Variants in DIXDC1 observed in about 807,000 individuals in gnomAD.
DIXDC1 encodes dixin.
In DIXDC1, 64 loss-of-function variants were observed where a neutral mutation model predicts 103.1. The observed-to-expected ratio is 0.62, with a 90% CI of 0.51 to 0.76. DIXDC1 has a LOEUF of 0.76. Ranked by LOEUF, DIXDC1 falls within the 30% of genes least tolerant of loss-of-function variation. The pLI is 0.00. For missense variants in DIXDC1, 759 were observed against 834.2 expected, an observed-to-expected ratio of 0.91 and a Z score of 1.11; for synonymous variants, 266 against 298.5, an observed-to-expected ratio of 0.89 and a Z score of 1.12.
At chr11:112,002,303 AATGCTTATT>A (rs1861093948) in intron 17 of DIXDC1, among the ~76,000 whole-genome samples, 2 of 151,902 alleles carry the variant, frequency 1.3e-5, no homozygotes, top group African/African-American at 4.8e-5. Flanking sequence ...GAGAAAGGGG[AATGCTTATT>A]ATGCACCATT....
intron 17 of DIXDC1, among the ~76,000 whole-genome samples, chr11:112,001,514 C>T (rs1343004703): frequency 6.6e-6 from 1 of 152,066 alleles, no homozygotes; most frequent in East Asian, 1.9e-4. Flanking sequence ...TGCCTTCTGC[C>T]TAGGATGTAG....
intron 2 of DIXDC1, chr11:111,929,999 C>T (rs1555167508): frequency 1.8e-5 from 22 of 1,227,270 alleles, no homozygotes; most frequent in Non-Finnish European, 2.5e-5. Flanking sequence ...TCCATCAGGA[C>T]TCAGATCCTG....
chr11:111,951,968 C>T (rs73560072), intron 1 of DIXDC1, among the ~76,000 whole-genome samples: 3,745 of 151,542 alleles, frequency 0.025, 164 homozygotes, highest in African/African-American at 0.086. Context: ...TAGGTTCAAG[C>T]GGTTCTCCTA....
rs1041408457 is a variant in DIXDC1 at position 112,020,655 on chromosome 11, A to G, written c.*1619A>G. The G allele has an allele frequency of 3.9e-5, 6 of 152,280 alleles. No individual in the cohort carries two copies. The highest frequency in any genetic ancestry group is 1.3e-4 in the Admixed American group (2 of 15,284). 9.4% of individuals were successfully genotyped at this position (152,280 alleles called of 1,614,324 possible). On this transcript the variant is annotated 3_prime_UTR_variant, in exon 20 of 20. Coordinates refer to ENST00000440460, the MANE Select transcript of DIXDC1 (RefSeq NM_001037954.4). ...GTGGTTTCAGAACAAGCTTTATTTT[A>G]TTACGAGTATATTAATGACAACTAA...
At chr11:111,964,312 C>T (rs1555171279) in intron 1 of DIXDC1, among the ~76,000 whole-genome samples, 1 of 152,194 alleles carries the variant, frequency 6.6e-6, no homozygotes, top group Non-Finnish European at 1.5e-5. Flanking sequence ...TCTACAGTGC[C>T]ACCCAAGTCC....
chr11:112,003,743 A>C (rs1465853096), intron 17 of DIXDC1, among the ~76,000 whole-genome samples: 1 of 151,904 alleles, frequency 6.6e-6, no homozygotes, highest in Non-Finnish European at 1.5e-5. Context: ...GGTTGCGGTG[A>C]GCCGAGATCA....
At position 111,984,295 on chromosome 11, in the gene DIXDC1, C is replaced by CA. The variant is rs1287270133; in HGVS notation, c.919-936dup. On this transcript the variant is annotated intron_variant, in intron 7 of 19. Transcript: ENST00000440460. ...GCATGGTGGGCCACACCTGTAACCC[C>CA]AGCACTTTGGGAGGCTGAGGCGGGT... 1.3e-3 allele frequency among the ~76,000 whole-genome samples: 199 copies of CA among 152,228 alleles called. 1 individual carries two copies. Among genetic ancestry groups the CA allele is most frequent in the African/African-American group, 4.5e-3 (187 of 41,530 alleles).
chr11:111,934,460 T>C (rs1194852696), upstream of DIXDC1, among the ~76,000 whole-genome samples: 1 of 152,088 alleles, frequency 6.6e-6, no homozygotes, highest in African/African-American at 2.4e-5. Flanking sequence ...CCAGGCAGAG[T>C]GAATGACAGC....
chr11:111,993,348 T>C lies in DIXDC1; in HGVS notation c.1273-148T>C, dbSNP rs1860768021. The C allele has an allele frequency of 8.0e-6, 6 of 748,358 alleles. No individual in the cohort carries two copies. The Admixed American group carries it at 1.3e-4, about 16-fold the overall frequency. 46.4% of individuals were successfully genotyped at this position (748,358 alleles called of 1,614,324 possible). The stretch of plus-strand genomic sequence containing the variant: ...TCCTTTGCACTATGTAAGATTATTA[T>C]GGTGTGTAAAGTCTTCCTGGTATAT... On this transcript the variant is annotated intron_variant, in intron 12 of 19. Coordinates refer to ENST00000440460, the MANE Select transcript of DIXDC1 (RefSeq NM_001037954.4).
At chr11:112,014,222 G>A (rs1861517536) in intron 17 of DIXDC1, among the ~76,000 whole-genome samples, 1 of 152,154 alleles carries the variant, frequency 6.6e-6, no homozygotes. Flanking sequence ...ATACTTTGCT[G>A]CGAGATCAAC....
chr11:112,004,124 ATG>A (rs1205294239), intron 17 of DIXDC1, among the ~76,000 whole-genome samples: 2 of 149,974 alleles, frequency 1.3e-5, no homozygotes, highest in Non-Finnish European at 3.0e-5. Context: ...GTATATATAT[ATG>A]TGTGTGTATA....
intron 4 of DIXDC1, 145 bp downstream of exon 4, chr11:111,974,399 C>A: frequency 2.8e-6 from 2 of 725,502 alleles, no homozygotes; most frequent in Non-Finnish European, 2.2e-6. Context: ...GGGGAGGGCA[C>A]TCTCAAAAGA....
intron 10 of DIXDC1, among the ~76,000 whole-genome samples, chr11:111,991,010 A>G (rs1485738650): frequency 6.6e-6 from 1 of 152,124 alleles, no homozygotes; most frequent in Non-Finnish European, 1.5e-5. Context: ...GAGCCTGAAT[A>G]TATGTTATTT....
chr11:111,938,880 C>G (rs1162598848), intron 1 of DIXDC1, among the ~76,000 whole-genome samples: 1 of 152,250 alleles, frequency 6.6e-6, no homozygotes, highest in Non-Finnish European at 1.5e-5. Context: ...CCTGTCTGCA[C>G]TGCAGGGCAC....
chr11:111,952,067 T>A (rs188736664), intron 1 of DIXDC1, among the ~76,000 whole-genome samples: 239 of 152,244 alleles, frequency 1.6e-3, no homozygotes, highest in African/African-American at 5.5e-3. Context: ...GGTTTCACCA[T>A]GTTGGGCAGG....
intron 10 of DIXDC1, among the ~76,000 whole-genome samples, chr11:111,991,207 C>T (rs1038297935): frequency 3.3e-5 from 5 of 152,176 alleles, no homozygotes; most frequent in South Asian, 2.1e-4. Flanking sequence ...ATGTGTTCCA[C>T]GGTCAGATAA....
At chr11:111,934,980 A>G (rs147267137), upstream of DIXDC1, among the ~76,000 whole-genome samples, 54 of 152,354 alleles carry the variant, frequency 3.5e-4, no homozygotes, top group African/African-American at 1.1e-3. Flanking sequence ...ACGTATGGCC[A>G]CTATATTGTA....
rs587599900 is a variant in DIXDC1 at position 111,938,922 on chromosome 11, C to G, written c.60+1363C>G. On this transcript the variant is annotated intron_variant, in intron 1 of 19. Coordinates refer to ENST00000440460, the MANE Select transcript of DIXDC1 (RefSeq NM_001037954.4). ...TTTGCATCCTTCCTGTCTGAACACA[C>G]GTAAGGGGATTGTTAACAAAGAGCT... Among the ~76,000 whole-genome samples, 5 of 152,360 alleles carry G rather than the reference C, an allele frequency of 3.3e-5. No homozygotes were observed. In the South Asian group the frequency reaches 1.0e-3, roughly 32 times the overall value.
intron 1 of DIXDC1, among the ~76,000 whole-genome samples, chr11:111,955,987 TACACACACACACAC>T (rs71461600): frequency 2.8e-5 from 4 of 142,534 alleles, no homozygotes; most frequent in South Asian, 4.5e-4. Flanking sequence ...TATATATGTG[TACACACACACACAC>T]ACACACACAC....
Sources: gnomAD v4.1 joint callset for allele counts (sites outside exome capture counted in the v4.1 genomes callset) on GRCh38, gnomAD v4.1.1 for gene constraint, MANE v1.5 for transcripts, NCBI Gene and HGNC (gene_info 2026-07-23, HGNC 2026-07-21) for gene names.